GLT8D2: variants seen among roughly 807,000 people sequenced by gnomAD.
The protein encoded by GLT8D2 is glycosyltransferase 8 domain containing 2, also known as glycosyltransferase 8 domain-containing protein 2.
In GLT8D2, 45 loss-of-function variants were observed where a neutral mutation model predicts 44.5. The observed-to-expected ratio is 1.01, with a 90% CI of 0.80 to 1.30. GLT8D2 has a LOEUF of 1.30. Among genes scored for constraint, GLT8D2 ranks in the 50% most tolerant of loss-of-function variants. The pLI, the probability that GLT8D2 is intolerant of heterozygous loss-of-function variation, is 0.00. For missense variants in GLT8D2, 400 were observed against 430.4 expected (o/e 0.93, Z 0.62); for synonymous variants, 156 against 157.2 (o/e 0.99, Z 0.06).
intron 1 of GLT8D2, among the ~76,000 whole-genome samples, chr12:104,059,079 ATTGC>A (rs1438279399): frequency 6.6e-6 from 1 of 152,158 alleles, no homozygotes; most frequent in African/African-American, 2.4e-5. Flanking sequence ...AAACTTACAA[ATTGC>A]TTATTTCTGG....
intron 3 of GLT8D2, among the ~76,000 whole-genome samples, chr12:104,016,826 A>AAAGAAAGAAAG (rs1304515840): frequency 9.7e-5 from 7 of 72,538 alleles, no homozygotes; most frequent in South Asian, 5.7e-4. Context: ...AAAGAGAAAG[A>AAAGAAAGAAAG]AAAGAAAGAA....
intron 5 of GLT8D2, among the ~76,000 whole-genome samples, chr12:104,002,384 G>C (rs892748745): frequency 3.9e-5 from 6 of 152,032 alleles, no homozygotes; most frequent in African/African-American, 1.4e-4. Flanking sequence ...ATTTTGGATG[G>C]TAATTTTTTG....
chr12:104,062,289 T>C (rs1882724127), intron 1 of GLT8D2, among the ~76,000 whole-genome samples: 1 of 152,074 alleles, frequency 6.6e-6, no homozygotes, highest in South Asian at 2.1e-4. Flanking sequence ...GCCAGGCTGG[T>C]CTCGAACTCC....
chr12:103,998,927 G>C (rs1036081592), intron 6 of GLT8D2, among the ~76,000 whole-genome samples: 3 of 152,138 alleles, frequency 2.0e-5, no homozygotes, highest in African/African-American at 7.2e-5. Context: ...TCCAATGCTA[G>C]GAAAAGAGAT....
intron 1 of GLT8D2, among the ~76,000 whole-genome samples, chr12:104,033,128 C>T (rs575033637): frequency 2.4e-4 from 37 of 152,090 alleles, no homozygotes; most frequent in Non-Finnish European, 4.4e-4. Context: ...GTGATCTGCC[C>T]ACCTCAGCCT....
Position 103,993,388 on chromosome 12 carries a change from T to C in GLT8D2, c.880+4A>G. 6.3e-7 allele frequency: 1 copy of C among 1,598,046 alleles called. No homozygotes were observed. The highest frequency in any genetic ancestry group is 2.2e-5 in the East Asian group (1 of 44,806). On this transcript the variant is annotated splice_donor_region_variant and intron_variant, in intron 10 of 10. Transcript: ENST00000360814. ...TTTCTAAACAGTTTTTCTGAAATAC[T>C]TACCCAGGTGCCTTATGTGCCACAG...
At chr12:104,048,051 G>T (rs1027795748) in intron 1 of GLT8D2, among the ~76,000 whole-genome samples, 45 of 152,336 alleles carry the variant, frequency 3.0e-4, no homozygotes, top group African/African-American at 1.0e-3. Flanking sequence ...GAAAAAGTTT[G>T]CTGACTTCTG....
chr12:104,053,575 C>T (rs1881900131), upstream of GLT8D2, among the ~76,000 whole-genome samples: 1 of 152,166 alleles, frequency 6.6e-6, no homozygotes, highest in Admixed American at 6.5e-5. Flanking sequence ...GTTATTATTG[C>T]TGTTGTTTTT....
chr12:103,989,901 T>C (rs984140468), intron 10 of GLT8D2, among the ~76,000 whole-genome samples: 1 of 152,000 alleles, frequency 6.6e-6, no homozygotes, highest in African/African-American at 2.4e-5. Context: ...ATTACTGTCT[T>C]GGGAAACTTT....
At chr12:104,013,813 C>T (rs1437516137) in intron 4 of GLT8D2, among the ~76,000 whole-genome samples, 3 of 152,166 alleles carry the variant, frequency 2.0e-5, no homozygotes, top group Non-Finnish European at 4.4e-5. Flanking sequence ...ACTATCAGGG[C>T]TCACTGCTGC....
At chr12:104,010,884 A>C (rs920004195) in intron 4 of GLT8D2, among the ~76,000 whole-genome samples, 1 of 152,232 alleles carries the variant, frequency 6.6e-6, no homozygotes, top group Non-Finnish European at 1.5e-5. Context: ...AGGGTAAAAA[A>C]GCTGGGGCTG....
At chr12:104,049,177 G>C (rs928786065) in intron 1 of GLT8D2, among the ~76,000 whole-genome samples, 1 of 138,552 alleles carries the variant, frequency 7.2e-6, no homozygotes, top group East Asian at 2.1e-4. Flanking sequence ...AACAACGAGA[G>C]GACTGATTTT....
intron 1 of GLT8D2, among the ~76,000 whole-genome samples, chr12:104,055,849 G>A (rs976254863): frequency 4.6e-5 from 7 of 152,182 alleles, no homozygotes; most frequent in Non-Finnish European, 8.8e-5. Context: ...TCTTTGCCAC[G>A]TTTGTCTCCC....
In GLT8D2 at chr12:104,036,115, G is replaced by A. The variant is rs748590278; in HGVS notation, c.-164+13780C>T. ...CTTTACAGACAAGCAGATGCTGAGA[G>A]ATTTTGTCACCACCAGGCTTGCCTT... On this transcript the variant is annotated intron_variant, in intron 1 of 10. Coordinates refer to ENST00000360814, the MANE Select transcript of GLT8D2 (RefSeq NM_001384711.1). Among the ~76,000 whole-genome samples, 3 of 152,204 alleles carry A rather than the reference G, an allele frequency of 2.0e-5. No individual in the cohort carries two copies. In the South Asian group the frequency reaches 6.2e-4, roughly 31 times the overall value.
intron 5 of GLT8D2, among the ~76,000 whole-genome samples, 179 bp downstream of exon 5, chr12:104,002,948 AAGAAAGAG>A (rs575298019): frequency 1.6e-3 from 241 of 152,040 alleles, no homozygotes; most frequent in African/African-American, 5.3e-3. Context: ...TCCTATCAGA[AAGAAAGAG>A]AGAAAGAGAG....
intron 1 of GLT8D2, among the ~76,000 whole-genome samples, chr12:104,024,355 G>A (rs776777575): frequency 6.6e-6 from 1 of 152,158 alleles, no homozygotes; most frequent in Admixed American, 6.5e-5. Context: ...GATTGTTTGA[G>A]CCTGGAGGTC....
intron 4 of GLT8D2, among the ~76,000 whole-genome samples, chr12:104,009,226 G>A (rs1875499331): frequency 6.6e-6 from 1 of 152,192 alleles, no homozygotes; most frequent in Non-Finnish European, 1.5e-5. Context: ...GCTGTATCCT[G>A]CAAAGCCACA....
At chr12:104,045,956 A>AGAAAG (rs1465365066) in intron 1 of GLT8D2, among the ~76,000 whole-genome samples, 2 of 131,988 alleles carry the variant, frequency 1.5e-5, no homozygotes, top group Admixed American at 7.5e-5. Context: ...AAAGAAAGAA[A>AGAAAG]ATAAGAAAGA....
intron 1 of GLT8D2, among the ~76,000 whole-genome samples, chr12:104,063,165 G>C (rs766954515): frequency 6.6e-6 from 1 of 152,082 alleles, no homozygotes; most frequent in Non-Finnish European, 1.5e-5. Context: ...GTGCCAAAAA[G>C]GTTGGGGACA....
Sources: gnomAD v4.1 joint callset for allele counts (sites outside exome capture counted in the v4.1 genomes callset) on GRCh38, gnomAD v4.1.1 for gene constraint, MANE v1.5 for transcripts, NCBI Gene and HGNC (gene_info 2026-07-23, HGNC 2026-07-21) for gene names.